NKD2: variants seen among roughly 807,000 people sequenced by gnomAD.
NKD2 encodes the protein NKD inhibitor of Wnt signaling pathway 2.
A neutral mutation model predicts 34.8 loss-of-function variants in NKD2; 43 were observed. That is an observed-to-expected ratio of 1.24 (90% CI 0.97 to 1.60). The LOEUF is 1.60. Ranked by LOEUF, NKD2 falls within the 40% of genes most tolerant of loss-of-function variation. NKD2 has a pLI of 0.00. For synonymous variants in NKD2, 278 were observed against 265.1 expected (o/e 1.05, Z -0.47); for missense variants, 675 against 627.1 (o/e 1.08, Z -0.82).
Position 1,036,306 on chromosome 5 carries a change from GT to G in NKD2, c.710del (p.Val237GlyfsTer191), listed in dbSNP as rs1561000898. ...QPCSERGPYC[V>X]DENTERRNHY... ...CTGCTCGGAGCGGGGGCCCTACTGC[GT>G]GGACGAGAACACGGAGCGCAGAAAC... is the stretch of plus-strand genomic sequence containing the variant. On this transcript the variant is annotated frameshift_variant, in exon 9 of 10. Coordinates refer to ENST00000296849, the MANE Select transcript of NKD2 (RefSeq NM_033120.4). LOFTEE classifies it high-confidence loss of function. 1 of 1,612,764 alleles carries G rather than the reference GT, an allele frequency of 6.2e-7. No homozygotes were observed. Among genetic ancestry groups the G allele is most frequent in the South Asian group, 1.1e-5 (1 of 91,048 alleles).
In NKD2 at chr5:1,036,391, C is replaced by A. The variant is rs748931530; in HGVS notation, c.787+7C>A. On this transcript the variant is annotated splice_region_variant and intron_variant, in intron 9 of 9. Coordinates refer to ENST00000296849, the MANE Select transcript of NKD2 (RefSeq NM_033120.4). ...ACGTCCAGATTCGGCCCTGGTAGGT[C>A]CTGGAGGCCACCCTGGGCGTGAGGC... The A allele has an allele frequency of 3.7e-6, 6 of 1,610,176 alleles. No individual in the cohort carries two copies. The Admixed American group carries it at 6.7e-5, about 18-fold the overall frequency.
intron 9 of NKD2, chr5:1,036,892 G>A (rs1424324472): frequency 4.5e-6 from 2 of 449,188 alleles, no homozygotes; most frequent in Admixed American, 4.8e-5. Flanking sequence ...TGGATGGCGG[G>A]CAGTGTGGAT....
At chr5:1,014,539 A>G (rs1189114711) in intron 3 of NKD2, among the ~76,000 whole-genome samples, 1 of 152,174 alleles carries the variant, frequency 6.6e-6, no homozygotes, top group East Asian at 1.9e-4. Context: ...TTGGAAATGC[A>G]GTTTCATCTG....
At position 1,009,092 on chromosome 5, in the gene NKD2, G is replaced by C. The variant is rs762825541; in HGVS notation, c.25+10G>C. 2.2e-5 allele frequency: 10 copies of C among 449,704 alleles called. No individual in the cohort carries two copies. The South Asian group carries it at 2.9e-4, about 13-fold the overall frequency. 27.9% of individuals were successfully genotyped at this position (449,704 alleles called of 1,614,324 possible). A position where few individuals can be genotyped will look rare whatever the true frequency, so the allele number is the denominator to read the frequency against. On this transcript the variant is annotated intron_variant, in intron 1 of 9. Coordinates refer to ENST00000296849, the MANE Select transcript of NKD2 (RefSeq NM_033120.4). The surrounding 1 kb of genome is among the most constrained non-coding windows in gnomAD (Gnocchi z 6.9). Reference sequence around the variant, plus strand: ...CTGCAGTCGAAGCACGGTGAGCCGCGGGCCGGTAGGGCGGGAGGGCGGGCG... The same window carrying C: ...CTGCAGTCGAAGCACGGTGAGCCGCCGGCCGGTAGGGCGGGAGGGCGGGCG...
At chr5:1,012,039 C>T (rs1463663501) in intron 3 of NKD2, among the ~76,000 whole-genome samples, 1 of 152,216 alleles carries the variant, frequency 6.6e-6, no homozygotes, top group East Asian at 1.9e-4. Context: ...TGGCAGTGCA[C>T]TTGTGTGGCT....
Position 1,035,451 on chromosome 5 carries a change from A to T in NKD2, c.637A>T (p.Arg213Trp), listed in dbSNP as rs1733853559. Residue 213 changes from arginine to tryptophan, a missense_variant, in exon 8 of 10, where the codon AGG (arginine) becomes TGG (tryptophan). By Grantham distance (101) the Arg-to-Trp change is moderately radical (BLOSUM62 -3). Coordinates refer to ENST00000296849, the MANE Select transcript of NKD2 (RefSeq NM_033120.4). ...ELAEEPRVADRRLSAHVRRPS... is the reference protein window; with the variant it reads ...ELAEEPRVADWRLSAHVRRPS... ...GGCAGAGGAGCCAAGGGTGGCTGACAGGAGGTTGTCTGCACACGTCAGGTG... is the reference window on the plus strand; with the variant it reads ...GGCAGAGGAGCCAAGGGTGGCTGACTGGAGGTTGTCTGCACACGTCAGGTG... The T allele has an allele frequency of 1.3e-6, 2 of 1,556,944 alleles. No homozygotes were observed. The highest frequency in any genetic ancestry group is 1.4e-5 in the African/African-American group (1 of 73,466).
intron 3 of NKD2, among the ~76,000 whole-genome samples, chr5:1,030,028 A>AGGGGG (rs1393132165): frequency 7.4e-6 from 1 of 134,874 alleles, no homozygotes; most frequent in Admixed American, 7.3e-5. Context: ...GGGGGGGGGT[A>AGGGGG]CTGAGAACCC....
In NKD2 at chr5:1,038,034, G is replaced by T. The variant is rs1165978081; in HGVS notation, c.1017G>T (p.Lys339Asn). 2 of 1,609,082 alleles carry T rather than the reference G, an allele frequency of 1.2e-6. No homozygotes were observed. Among genetic ancestry groups the T allele is most frequent in the South Asian group, 1.1e-5 (1 of 90,888 alleles). ...QFLKSPKGSG[K>N]PPGVPASSKS... ...TCAAGTCCCCCAAGGGCTCCGGGAAGCCGCCTGGGGTGCCAGCCAGCAGCA... is the reference window on the plus strand; with the variant it reads ...TCAAGTCCCCCAAGGGCTCCGGGAATCCGCCTGGGGTGCCAGCCAGCAGCA... The change falls in exon 10 of 10, where the codon AAG becomes AAT. Residue 339 changes from lysine (K) to asparagine (N), a missense_variant. Coordinates refer to ENST00000296849, the MANE Select transcript of NKD2 (RefSeq NM_033120.4). The surrounding 1 kb of genome is among the most constrained non-coding windows in gnomAD (Gnocchi z 4.5).
intron 3 of NKD2, among the ~76,000 whole-genome samples, chr5:1,017,196 T>C (rs6887147): frequency 0.92 from 139,629 of 152,246 alleles, 65,251 homozygotes; most frequent in East Asian, 1. Flanking sequence ...CGTGGGTAGC[T>C]TGGCTCTCTG....
intron 3 of NKD2, among the ~76,000 whole-genome samples, chr5:1,014,965 C>T (rs1368857666): frequency 3.9e-5 from 6 of 152,212 alleles, no homozygotes; most frequent in Non-Finnish European, 7.3e-5. Flanking sequence ...GGACCCGGTG[C>T]TGCCACTCAC....
intron 3 of NKD2, among the ~76,000 whole-genome samples, chr5:1,011,871 CT>C (rs914238029): frequency 6.6e-6 from 1 of 152,254 alleles, no homozygotes; most frequent in Non-Finnish European, 1.5e-5. Flanking sequence ...GAGCGCCACA[CT>C]TTGCTTTTGG....
chr5:1,038,343 C>CCACGAG lies in NKD2; in HGVS notation c.1329_1330insGAGCAC (p.His443_His444insGluHis). ...ACCACCACCACGAGCACCACCACCA[C>CCACGAG]CACCACCACCACCACTTCCACCCGT... is the stretch of plus-strand genomic sequence containing the variant. On this transcript the variant is annotated inframe_insertion, in exon 10 of 10. Transcript: ENST00000296849. This position sits in a 1 kb window ranked among gnomAD's most constrained non-coding sequence, Gnocchi z 4.5. 1 of 1,534,876 alleles carries CCACGAG rather than the reference C, an allele frequency of 6.5e-7. No individual in the cohort carries two copies. The highest frequency in any genetic ancestry group is 8.7e-7 in the Non-Finnish European group (1 of 1,146,750).
At chr5:1,015,960 C>T (rs56070113) in intron 3 of NKD2, among the ~76,000 whole-genome samples, 6,287 of 152,324 alleles carry the variant, frequency 0.041, 187 homozygotes, top group Non-Finnish European at 0.064. Flanking sequence ...TCTGAGCCGT[C>T]GTCTGTCACA....
chr5:1,035,049 T>C, intron 7 of NKD2, 146 bp downstream of exon 7: 4 of 727,596 alleles, frequency 5.5e-6, no homozygotes, highest in Non-Finnish European at 6.7e-6. Flanking sequence ...AGTAAGTGGG[T>C]GAGTGAGTGA....
chr5:1,032,113 T>C (rs1483923580), intron 3 of NKD2, 39 bp from the exon 4 acceptor site: 1 of 1,539,554 alleles, frequency 6.5e-7, no homozygotes, highest in Non-Finnish European at 9.0e-7. Flanking sequence ...GCCTGCCCAC[T>C]GAGCTATGTG....
At chr5:1,011,105 T>C (rs1755734479) in intron 3 of NKD2, among the ~76,000 whole-genome samples, 1 of 152,242 alleles carries the variant, frequency 6.6e-6, no homozygotes, top group African/African-American at 2.4e-5. Context: ...TGGGGCTTGC[T>C]TGGATTGTTA....
rs1174677092 is a variant in NKD2 at position 1,038,351 on chromosome 5, A to T, written c.1334A>T (p.His445Leu). The stretch of plus-strand genomic sequence containing the variant: ...CACGAGCACCACCACCACCACCACC[A>T]CCACCACTTCCACCCGTCCTAGCGC... ...HHHEHHHHHH[H>L]HHFHPS Residue 445 changes from histidine to leucine, a missense_variant, in exon 10 of 10, where the codon CAC becomes CTC. Physicochemically the swap from His to Leu is moderately conservative, Grantham distance 99. Transcript: ENST00000296849. This position sits in a 1 kb window ranked among gnomAD's most constrained non-coding sequence, Gnocchi z 4.5. 1 of 1,535,340 alleles carries T rather than the reference A, an allele frequency of 6.5e-7. No individual in the cohort carries two copies. The highest frequency in any genetic ancestry group is 2.5e-5 in the East Asian group (1 of 40,802).
In NKD2 at chr5:1,033,969, G is replaced by A. The variant is rs557865439; in HGVS notation, c.331-266G>A. Among the ~76,000 whole-genome samples the A allele has an allele frequency of 1.1e-3, 161 of 152,360 alleles. 1 individual carries two copies. Among genetic ancestry groups the A allele is most frequent in the African/African-American group, 3.7e-3 (153 of 41,588 alleles). On this transcript the variant is annotated intron_variant, in intron 5 of 9. Coordinates refer to ENST00000296849, the MANE Select transcript of NKD2 (RefSeq NM_033120.4). Reference sequence around the variant, plus strand: ...CTTCTCCTTCTGGGTGACGTGGAGTGCTTGCATGAGCTGAGATAGGTGTCA... The same window carrying A: ...CTTCTCCTTCTGGGTGACGTGGAGTACTTGCATGAGCTGAGATAGGTGTCA...
rs774844115 is a variant in NKD2, at chr5:1,037,907, G to A, written c.890G>A (p.Arg297His). Residue 297 changes from arginine to histidine, a missense_variant, in exon 10 of 10, where the codon CGC becomes CAC. Transcript: ENST00000296849. Reference protein sequence around the residue: ...QEPDTHAVHHRRSQVLVEHVV... With the variant: ...QEPDTHAVHHHRSQVLVEHVV... ...CCAGATACACATGCCGTACACCACC[G>A]CAGGTCACAGGTGCTGGTGGAACAC... 2.2e-5 allele frequency: 35 copies of A among 1,606,524 alleles called. No homozygotes were observed. The highest frequency in any genetic ancestry group is 2.7e-5 in the African/African-American group (2 of 74,908).
Sources: gnomAD v4.1 joint callset for allele counts (sites outside exome capture counted in the v4.1 genomes callset) on GRCh38, gnomAD v4.1.1 for gene constraint, Gnocchi (gnomAD v3.1) non-coding constraint, MANE v1.5 for transcripts, NCBI Gene and HGNC (gene_info 2026-07-23, HGNC 2026-07-21) for gene names.